RNF150: variants seen among roughly 807,000 people sequenced by gnomAD.
The protein encoded by RNF150 is ring finger protein 150.
Under a neutral mutation model 39.3 loss-of-function variants are expected in RNF150, and 24 were observed. The ratio of observed to expected loss-of-function variants is 0.61; its 90% CI spans 0.44 to 0.86. The LOEUF (loss-of-function observed/expected upper bound fraction) is 0.86, where lower values mean the gene tolerates loss of function less well. RNF150 is among the 40% of genes least tolerant of loss of function. The pLI, the probability that RNF150 is intolerant of heterozygous loss-of-function variation, is 0.00. For missense variants in RNF150, 502 were observed against 587.8 expected (o/e 0.85, Z 1.51); for synonymous variants, 255 against 227.3 (o/e 1.12, Z -1.10).
chr4:140,951,398 T>TA (rs1456235787), intron 2 of RNF150, among the ~76,000 whole-genome samples: 2 of 152,086 alleles, frequency 1.3e-5, no homozygotes, highest in Admixed American at 1.3e-4. Context: ...GCTTTGGGTT[T>TA]AAAAAAATGG....
rs923039262 is a variant in RNF150 at position 141,129,390 on chromosome 4, A to G, written c.484+2935T>C. Among the ~76,000 whole-genome samples, 5 of 152,222 alleles carry G rather than the reference A, an allele frequency of 3.3e-5. No individual in the cohort carries two copies. The South Asian group carries it at 1.0e-3, about 32-fold the overall frequency. On this transcript the variant is annotated intron_variant, in intron 1 of 6. Coordinates refer to ENST00000515673, the MANE Select transcript of RNF150 (RefSeq NM_020724.2). ...GTCCACATATTATATGATTCCATTT[A>G]TATGAAAGGTACAAAAGAGGCATTT...
At chr4:141,108,969 G>T (rs904076082) in intron 1 of RNF150, among the ~76,000 whole-genome samples, 8 of 152,096 alleles carry the variant, frequency 5.3e-5, no homozygotes, top group African/African-American at 1.7e-4. Context: ...TGGGCATATT[G>T]CTTGAATGTA....
chr4:141,109,851 A>G (rs1224292216), intron 1 of RNF150, among the ~76,000 whole-genome samples: 7 of 152,226 alleles, frequency 4.6e-5, no homozygotes, highest in African/African-American at 1.7e-4. Flanking sequence ...AAGAAAATAC[A>G]GTAAAGTGAA....
chr4:141,004,985 C>T (rs975101422), intron 1 of RNF150, among the ~76,000 whole-genome samples: 1 of 152,084 alleles, frequency 6.6e-6, no homozygotes, highest in Non-Finnish European at 1.5e-5. Flanking sequence ...TGCCAAGAAA[C>T]AGCATGGCAT....
At chr4:141,137,609 G>A (rs1727047970), upstream of RNF150, among the ~76,000 whole-genome samples, 1 of 152,174 alleles carries the variant, frequency 6.6e-6, no homozygotes, top group East Asian at 1.9e-4. Flanking sequence ...CGAGAGTTTG[G>A]ACAGGTTCTA....
chr4:140,933,250 T>A (rs1483754670), intron 4 of RNF150, among the ~76,000 whole-genome samples: 4 of 152,220 alleles, frequency 2.6e-5, no homozygotes, highest in Non-Finnish European at 1.5e-5. Flanking sequence ...AGGCCTTTTG[T>A]ACAGCCTAAA....
chr4:141,134,883 A>G (rs1363157389), upstream of RNF150, among the ~76,000 whole-genome samples: 2 of 152,192 alleles, frequency 1.3e-5, no homozygotes, highest in Non-Finnish European at 2.9e-5. Flanking sequence ...TTAGCAACCC[A>G]CAGTGTTTCC....
chr4:140,997,935 T>C (rs1009451233), intron 1 of RNF150, among the ~76,000 whole-genome samples: 2 of 152,156 alleles, frequency 1.3e-5, no homozygotes, highest in Admixed American at 6.5e-5. Context: ...TACCTTTCAC[T>C]GTATATACTT....
At chr4:141,017,792 T>C (rs1735335892) in intron 1 of RNF150, among the ~76,000 whole-genome samples, 1 of 152,220 alleles carries the variant, frequency 6.6e-6, no homozygotes, top group South Asian at 2.1e-4. Flanking sequence ...GCAATATGCA[T>C]TTAATAAGGT....
At chr4:141,102,159 A>C (rs1739035188) in intron 1 of RNF150, among the ~76,000 whole-genome samples, 2 of 152,132 alleles carry the variant, frequency 1.3e-5, no homozygotes, top group Non-Finnish European at 2.9e-5. Context: ...GTGGCATATG[A>C]CCGTATTTAT....
chr4:140,932,869 T>A (rs754496108), intron 4 of RNF150, among the ~76,000 whole-genome samples: 1 of 152,322 alleles, frequency 6.6e-6, no homozygotes, highest in African/African-American at 2.4e-5. Flanking sequence ...TAACAATGTT[T>A]GAGATAGTGA....
upstream of RNF150, among the ~76,000 whole-genome samples, chr4:141,133,866 T>G (rs1726975392): frequency 6.6e-6 from 1 of 152,136 alleles, no homozygotes; most frequent in Admixed American, 6.5e-5. Context: ...ATCAAATCTT[T>G]AGTTTTAAAA....
chr4:141,056,935 T>C (rs551376692), intron 1 of RNF150, among the ~76,000 whole-genome samples: 1 of 152,256 alleles, frequency 6.6e-6, no homozygotes, highest in South Asian at 2.1e-4. Context: ...TTAAAAATAT[T>C]ATATATGATT....
intron 6 of RNF150, among the ~76,000 whole-genome samples, chr4:140,883,915 C>T (rs1308803136): frequency 6.6e-6 from 1 of 152,096 alleles, no homozygotes; most frequent in Admixed American, 6.5e-5. Flanking sequence ...TCTCATGATG[C>T]ACATATTTGT....
At chr4:141,045,082 G>A (rs892015450) in intron 1 of RNF150, among the ~76,000 whole-genome samples, 11 of 152,186 alleles carry the variant, frequency 7.2e-5, no homozygotes, top group Admixed American at 1.3e-4. Context: ...GCAGCCTTGT[G>A]AGGTTAAAAA....
intron 5 of RNF150, among the ~76,000 whole-genome samples, chr4:140,925,346 A>T (rs190149499): frequency 6.6e-6 from 1 of 152,308 alleles, no homozygotes; most frequent in East Asian, 1.9e-4. Flanking sequence ...TTCTCTTTGT[A>T]CAGGGGAGAG....
At chr4:141,047,542 T>C (rs1242085882) in intron 1 of RNF150, among the ~76,000 whole-genome samples, 1 of 152,286 alleles carries the variant, frequency 6.6e-6, no homozygotes, top group East Asian at 1.9e-4. Flanking sequence ...TATAAATCAT[T>C]TTACCTTGAA....
rs958000824 is a variant in RNF150, at chr4:141,101,846, A to G, written c.484+30479T>C. On this transcript the variant is annotated intron_variant, in intron 1 of 6. Transcript: ENST00000515673. ...GCCCGGGCTGGAGTGCAGTGGCACA[A>G]TCTCGGCTCACTGCAACCTCTGCCT... 2.0e-4 allele frequency among the ~76,000 whole-genome samples: 30 copies of G among 152,152 alleles called. 2 individuals carry two copies. Among genetic ancestry groups the G allele is most frequent in the Admixed American group, 1.9e-3 (29 of 15,278 alleles).
chr4:141,178,979 C>T (rs920410172), intron 1 of RNF150, among the ~76,000 whole-genome samples: 1 of 149,966 alleles, frequency 6.7e-6, no homozygotes, highest in African/African-American at 2.5e-5. Flanking sequence ...TATGTGACTC[C>T]TAAATCTAAA....
Sources: gnomAD v4.1 joint callset for allele counts (sites outside exome capture counted in the v4.1 genomes callset) on GRCh38, gnomAD v4.1.1 for gene constraint, MANE v1.5 for transcripts, NCBI Gene and HGNC (gene_info 2026-07-23, HGNC 2026-07-21) for gene names.